GRIN2B: variants seen among roughly 807,000 people sequenced by gnomAD.
GRIN2B encodes the protein glutamate receptor ionotropic, NMDA 2B.
Under a neutral mutation model 114.5 loss-of-function variants are expected in GRIN2B, and 5 were observed. That is an observed-to-expected ratio of 0.04 (90% confidence interval 0.02 to 0.09). The LOEUF (loss-of-function observed/expected upper bound fraction) is 0.09, where lower values mean the gene tolerates loss of function less well. Among genes scored for constraint, GRIN2B ranks in the 10% least tolerant of loss-of-function variants. The probability of loss-of-function intolerance (pLI) is 1.00; values close to 1 mark genes in which losing one functional copy is unlikely to be tolerated. For missense variants in GRIN2B, 1,108 were observed against 1,943.5 expected, an observed-to-expected ratio of 0.57 and a Z score of 8.08; for synonymous variants, 787 against 745.1, an observed-to-expected ratio of 1.06 and a Z score of -0.92.
At chr12:13,648,185 C>T (rs1949780646) in intron 5 of GRIN2B, among the ~76,000 whole-genome samples, 1 of 151,978 alleles carries the variant, frequency 6.6e-6, no homozygotes, top group Non-Finnish European at 1.5e-5. Context: ...CTAGCTCTAT[C>T]TAGTCTATCA....
At chr12:13,807,422 C>T (rs934007571) in intron 3 of GRIN2B, among the ~76,000 whole-genome samples, 3 of 152,132 alleles carry the variant, frequency 2.0e-5, no homozygotes, top group African/African-American at 7.2e-5. Flanking sequence ...TTTCACTTCA[C>T]ATAATGCCCT....
chr12:13,862,679 CA>C (rs942303852), intron 3 of GRIN2B, among the ~76,000 whole-genome samples: 93 of 149,404 alleles, frequency 6.2e-4, no homozygotes, highest in Non-Finnish European at 7.4e-4. Flanking sequence ...CAAAACAAAA[CA>C]AAAAAAAAAC....
chr12:13,586,989 T>C (rs74669184), intron 10 of GRIN2B, among the ~76,000 whole-genome samples: 5,497 of 152,346 alleles, frequency 0.036, 150 homozygotes, highest in Middle Eastern at 0.055. Flanking sequence ...CGAGACCCTA[T>C]TTTAATTACT....
chr12:13,716,091 T>C (rs1033009554), intron 4 of GRIN2B, among the ~76,000 whole-genome samples: 1 of 151,910 alleles, frequency 6.6e-6, no homozygotes, highest in African/African-American at 2.4e-5. Context: ...TCTCAATGGA[T>C]AGTTGGTGAC....
chr12:13,644,324 T>C (rs1949744220), intron 5 of GRIN2B, among the ~76,000 whole-genome samples: 1 of 152,170 alleles, frequency 6.6e-6, no homozygotes, highest in African/African-American at 2.4e-5. Flanking sequence ...CAGTGATATT[T>C]TGAAAGGAAT....
At chr12:13,791,260 G>A (rs772957741) in intron 3 of GRIN2B, among the ~76,000 whole-genome samples, 1 of 152,038 alleles carries the variant, frequency 6.6e-6, no homozygotes. Context: ...TCAGGAGATC[G>A]AGACCATGGT....
intron 8 of GRIN2B, among the ~76,000 whole-genome samples, chr12:13,614,125 G>A (rs1949403594): frequency 6.6e-6 from 1 of 151,792 alleles, no homozygotes; most frequent in Non-Finnish European, 1.5e-5. Flanking sequence ...TGGCAAGGCT[G>A]GAATTTGCTT....
At chr12:13,810,769 T>C (rs1333253072) in intron 3 of GRIN2B, among the ~76,000 whole-genome samples, 1 of 152,222 alleles carries the variant, frequency 6.6e-6, no homozygotes, top group African/African-American at 2.4e-5. Context: ...TTGATTTCTC[T>C]TAACTGTCAG....
intron 4 of GRIN2B, among the ~76,000 whole-genome samples, chr12:13,732,513 T>C (rs779930223): frequency 1.2e-4 from 19 of 152,210 alleles, no homozygotes; most frequent in Non-Finnish European, 2.4e-4. Flanking sequence ...CCAAGATGTA[T>C]CAAGGCTGTA....
At chr12:13,808,748 A>ATATATATATATATATATATATATAT (rs1388525573) in intron 3 of GRIN2B, among the ~76,000 whole-genome samples, 17 of 110,280 alleles carry the variant, frequency 1.5e-4, no homozygotes, top group African/African-American at 3.5e-4. Flanking sequence ...TATAATAAAA[A>ATATATATATATATATATATATATAT]AAAAATATAT....
At chr12:13,642,220 ACAAG>A (rs1191200429) in intron 5 of GRIN2B, among the ~76,000 whole-genome samples, 26 of 145,688 alleles carry the variant, frequency 1.8e-4, no homozygotes, top group African/African-American at 5.0e-4. Context: ...AAACAAACAA[ACAAG>A]CTAGCTAACT....
In GRIN2B at chr12:13,779,130, G is replaced by A. The variant is rs187108947; in HGVS notation, c.412-25215C>T. Among the ~76,000 whole-genome samples, 7 of 152,238 alleles carry A rather than the reference G, an allele frequency of 4.6e-5. No homozygotes were observed. The South Asian group carries it at 6.2e-4, about 14-fold the overall frequency. ...GTGGTGCACTCTCACTGCAACCTCC[G>A]CCTCCTGGCTTCAAGTGCTTCTCCT... is the stretch of plus-strand genomic sequence containing the variant. On this transcript the variant is annotated intron_variant, in intron 3 of 13. Transcript: ENST00000609686.
At chr12:13,649,374 C>T (rs1222560014) in intron 5 of GRIN2B, among the ~76,000 whole-genome samples, 1 of 152,032 alleles carries the variant, frequency 6.6e-6, no homozygotes, top group Non-Finnish European at 1.5e-5. Flanking sequence ...AGCAAGAGGT[C>T]AACTGGTGCT....
At chr12:13,772,752 C>T (rs910818942) in intron 3 of GRIN2B, among the ~76,000 whole-genome samples, 1 of 152,120 alleles carries the variant, frequency 6.6e-6, no homozygotes, top group Non-Finnish European at 1.5e-5. Context: ...CTATCACAGG[C>T]AAGTTTGCAA....
rs538991351 is a variant in GRIN2B at position 13,635,892 on chromosome 12, C to T, written c.1126-19235G>A. On this transcript the variant is annotated intron_variant, in intron 5 of 13. Coordinates refer to ENST00000609686, the MANE Select transcript of GRIN2B (RefSeq NM_000834.5). ...TTCGTTTATTCAGCAGGTATTATTT[C>T]GCAACAATCAGGAGTCAGGAATTTT... Among the ~76,000 whole-genome samples the T allele has an allele frequency of 4.7e-4, 71 of 152,204 alleles. 1 individual carries two copies. The highest frequency in any genetic ancestry group is 1.5e-3 in the African/African-American group (62 of 41,548).
In GRIN2B at chr12:13,773,668, A is replaced by G. The variant is rs141548447; in HGVS notation, c.412-19753T>C. On this transcript the variant is annotated intron_variant, in intron 3 of 13. Transcript: ENST00000609686. Reference sequence around the variant, plus strand: ...CAAGGATTCTGTTGAGAAAAGAGAGACTGATACTCCAAACCCCTTCAACAT... The same window carrying G: ...CAAGGATTCTGTTGAGAAAAGAGAGGCTGATACTCCAAACCCCTTCAACAT... 1.7e-4 allele frequency among the ~76,000 whole-genome samples: 26 copies of G among 152,302 alleles called. No individual in the cohort carries two copies. The East Asian group carries it at 5.0e-3, about 29-fold the overall frequency.
intron 2 of GRIN2B, among the ~76,000 whole-genome samples, chr12:13,888,228 C>G (rs1454238138): frequency 1.3e-5 from 2 of 152,124 alleles, no homozygotes; most frequent in African/African-American, 4.8e-5. Flanking sequence ...ATTGTGTGAA[C>G]ATCACAGAGT....
At chr12:13,892,119 CACCCTAGTG>C (rs1232073630) in intron 2 of GRIN2B, among the ~76,000 whole-genome samples, 1 of 152,130 alleles carries the variant, frequency 6.6e-6, no homozygotes, top group East Asian at 1.9e-4. Flanking sequence ...TCAAAGAAAC[CACCCTAGTG>C]ACTCATGAAT....
intron 3 of GRIN2B, among the ~76,000 whole-genome samples, chr12:13,845,897 A>T (rs1327987961): frequency 6.6e-6 from 1 of 152,200 alleles, no homozygotes. Flanking sequence ...AAAATTCATA[A>T]TTGGATCATA....
Sources: gnomAD v4.1 joint callset for allele counts (sites outside exome capture counted in the v4.1 genomes callset) on GRCh38, gnomAD v4.1.1 for gene constraint, MANE v1.5 for transcripts, NCBI Gene and HGNC (gene_info 2026-07-23, HGNC 2026-07-21) for gene names.